Variants in OR10J1 observed in about 807,000 individuals in gnomAD.
OR10J1 encodes the protein olfactory receptor 10J1.
For missense variants in OR10J1, 474 were observed against 376.6 expected (o/e 1.26, Z -2.14); for synonymous variants, 202 against 143.8 (o/e 1.40, Z -2.89).
the OR10J1 span, among the ~76,000 whole-genome samples, chr1:159,423,142 T>C: frequency 6.6e-6 from 1 of 152,216 alleles, no homozygotes; most frequent in East Asian, 1.9e-4. Flanking sequence ...CAACAGATGG[T>C]TCATGTAGCC....
chr1:159,418,584 G>A, the OR10J1 span, among the ~76,000 whole-genome samples: 1 of 152,218 alleles, frequency 6.6e-6, no homozygotes, highest in African/African-American at 2.4e-5. Flanking sequence ...GCAGAAGTTT[G>A]CTGCAGGGGT....
At chr1:159,434,190 A>G (rs1028950618), upstream of OR10J1, among the ~76,000 whole-genome samples, 3 of 152,208 alleles carry the variant, frequency 2.0e-5, no homozygotes, top group Non-Finnish European at 2.9e-5. Flanking sequence ...AGGCAGAATC[A>G]GGATTTAAAC....
the OR10J1 span, among the ~76,000 whole-genome samples, chr1:159,425,814 C>A: frequency 6.6e-6 from 1 of 151,806 alleles, no homozygotes; most frequent in African/African-American, 2.4e-5. Context: ...ATTTAGAAAT[C>A]AAGAAATATC....
the OR10J1 span, among the ~76,000 whole-genome samples, chr1:159,430,671 G>GCA: frequency 4.0e-3 from 598 of 149,790 alleles, 3 homozygotes; most frequent in Middle Eastern, 0.034. Flanking sequence ...GTGTGTGTGC[G>GCA]CGCGCGCACA....
chr1:159,419,182 G>A, the OR10J1 span, among the ~76,000 whole-genome samples: 2 of 152,108 alleles, frequency 1.3e-5, no homozygotes, highest in Non-Finnish European at 2.9e-5. Flanking sequence ...GGAGCTGTTG[G>A]GAAGGCATGA....
At chr1:159,425,317 C>T in the OR10J1 span, among the ~76,000 whole-genome samples, 1 of 151,992 alleles carries the variant, frequency 6.6e-6, no homozygotes, top group Admixed American at 6.6e-5. Context: ...AAAGCTCCAG[C>T]ACTATAATCA....
At chr1:159,413,885 T>A in the OR10J1 span, among the ~76,000 whole-genome samples, 2 of 151,090 alleles carry the variant, frequency 1.3e-5, no homozygotes, top group Non-Finnish European at 3.0e-5. Flanking sequence ...AATAAAAAAA[T>A]ATATTGCTTG....
At chr1:159,397,533 G>A in the OR10J1 span, among the ~76,000 whole-genome samples, 1 of 152,084 alleles carries the variant, frequency 6.6e-6, no homozygotes, top group Non-Finnish European at 1.5e-5. Flanking sequence ...CCTGAAGGGT[G>A]AGTCCCAGGC....
chr1:159,402,921 G>T, the OR10J1 span, among the ~76,000 whole-genome samples: 1 of 151,762 alleles, frequency 6.6e-6, no homozygotes, highest in Non-Finnish European at 1.5e-5. Flanking sequence ...ACACATAGAC[G>T]AATTGAACAG....
chr1:159,427,550 G>A, the OR10J1 span, among the ~76,000 whole-genome samples: 3 of 151,670 alleles, frequency 2.0e-5, no homozygotes, highest in Non-Finnish European at 4.4e-5. Flanking sequence ...ATATAAAATG[G>A]GCAGATTTGG....
At chr1:159,434,248 T>C (rs1242632207), upstream of OR10J1, among the ~76,000 whole-genome samples, 2 of 152,144 alleles carry the variant, frequency 1.3e-5, no homozygotes, top group Non-Finnish European at 2.9e-5. Flanking sequence ...AAGCTCATGA[T>C]ATTCATTTTA....
the OR10J1 span, among the ~76,000 whole-genome samples, chr1:159,398,751 A>G: frequency 1.8e-4 from 27 of 152,308 alleles, no homozygotes; most frequent in African/African-American, 4.8e-4. Context: ...ACAATAAAGT[A>G]TGCCTACAGA....
chr1:159,433,647 G>A (rs576396078), upstream of OR10J1, among the ~76,000 whole-genome samples: 1 of 152,240 alleles, frequency 6.6e-6, no homozygotes, highest in East Asian at 1.9e-4. Flanking sequence ...CTGTGTTCTT[G>A]CATAGTGATT....
upstream of OR10J1, among the ~76,000 whole-genome samples, chr1:159,436,124 T>C (rs1173391450): frequency 1.3e-5 from 2 of 152,126 alleles, no homozygotes; most frequent in African/African-American, 2.4e-5. Flanking sequence ...TCTCCATTTC[T>C]ACAGTCTTCC....
chr1:159,405,719 C>T, the OR10J1 span: 3 of 752,208 alleles, frequency 4.0e-6, no homozygotes, highest in Non-Finnish European at 6.8e-6. Flanking sequence ...ATGATGAGGT[C>T]ATAGGAGATA....
chr1:159,397,583 G>T, the OR10J1 span, among the ~76,000 whole-genome samples: 1 of 152,180 alleles, frequency 6.6e-6, no homozygotes. Context: ...GAGATCTTAG[G>T]CCTTAAAGGA....
chr1:159,423,950 A>G, the OR10J1 span, among the ~76,000 whole-genome samples: 28 of 152,098 alleles, frequency 1.8e-4, no homozygotes, highest in Admixed American at 1.8e-3. Flanking sequence ...TAAAAGCCAC[A>G]CTACATCTGT....
chr1:159,399,466 G>A, the OR10J1 span, among the ~76,000 whole-genome samples: 13 of 151,152 alleles, frequency 8.6e-5, no homozygotes, highest in Non-Finnish European at 1.9e-4. Context: ...AGCTACTCAG[G>A]AGGCTGAGGC....
At chr1:159,409,469 T>C in the OR10J1 span, among the ~76,000 whole-genome samples, 1 of 152,092 alleles carries the variant, frequency 6.6e-6, no homozygotes, top group Non-Finnish European at 1.5e-5. Flanking sequence ...CCGTACTCTC[T>C]TTTTCTAATA....
Sources: gnomAD v4.1 joint callset for allele counts (sites outside exome capture counted in the v4.1 genomes callset) on GRCh38, gnomAD v4.1.1 for gene constraint, MANE v1.5 for transcripts, NCBI Gene and HGNC (gene_info 2026-07-23, HGNC 2026-07-21) for gene names.